The following ZNF143 variants were observed in gnomAD, a reference collection of about 807,000 sequenced individuals.
The protein encoded by ZNF143 is SPH-binding factor.
In ZNF143, 49 loss-of-function variants were observed where a neutral mutation model predicts 74.1. The observed-to-expected ratio is 0.66, with a 90% CI of 0.53 to 0.84. The LOEUF (loss-of-function observed/expected upper bound fraction) is 0.84. Ranked by LOEUF, ZNF143 falls within the 40% of genes least tolerant of loss-of-function variation. The probability of loss-of-function intolerance (pLI) is 0.00; values close to 1 mark genes in which losing one functional copy is unlikely to be tolerated. For synonymous variants in ZNF143, 304 were observed against 282.8 expected, an observed-to-expected ratio of 1.07 and a Z score of -0.75; for missense variants, 637 against 793.4, an observed-to-expected ratio of 0.80 and a Z score of 2.37.
At chr11:9,493,226 C>T (rs536725268) in intron 7 of ZNF143, among the ~76,000 whole-genome samples, 1 of 152,080 alleles carries the variant, frequency 6.6e-6, no homozygotes, top group East Asian at 1.9e-4. Flanking sequence ...CGCGCACCAC[C>T]ATGCCCAGCT....
intron 7 of ZNF143, among the ~76,000 whole-genome samples, chr11:9,480,762 C>CTACTA (rs1847203230): frequency 6.6e-6 from 1 of 151,786 alleles, no homozygotes; most frequent in Non-Finnish European, 1.5e-5. Context: ...TGGCTAGTGC[C>CTACTA]TATAATCCTA....
In ZNF143 at chr11:9,473,920, G is replaced by A. The variant is rs755029214; in HGVS notation, c.206-21G>A. The A allele has an allele frequency of 5.0e-6, 8 of 1,613,564 alleles. No individual in the cohort carries two copies. In the African/African-American group the frequency reaches 8.0e-5, roughly 16 times the overall value. ...AAATTTTTGTTTGTGCCAATTTATT[G>A]TCTTGAATCTTTTGTTATAGATGCA... On this transcript the variant is annotated intron_variant, in intron 3 of 15. Transcript: ENST00000396602.
intron 7 of ZNF143, among the ~76,000 whole-genome samples, chr11:9,481,481 A>C (rs1847235871): frequency 6.6e-6 from 1 of 152,156 alleles, no homozygotes; most frequent in Non-Finnish European, 1.5e-5. Flanking sequence ...ACACAGGGTA[A>C]ATATGTGCGG....
At position 9,479,444 on chromosome 11, in the gene ZNF143, A is replaced by G. The variant is rs374049827; in HGVS notation, c.571-28A>G. The stretch of plus-strand genomic sequence containing the variant: ...CTAAACCATTATCAAAATGTAAAAC[A>G]TTTTAAAGCTTTATTTTATTCCTAT... On this transcript the variant is annotated intron_variant, in intron 6 of 15. Coordinates refer to ENST00000396602, the MANE Select transcript of ZNF143 (RefSeq NM_003442.6). The G allele has an allele frequency of 9.0e-5, 143 of 1,585,700 alleles. 1 individual carries two copies. In the African/African-American group the frequency reaches 1.6e-3, roughly 18 times the overall value.
At chr11:9,496,229 G>T in intron 8 of ZNF143, 74 bp from the exon 9 acceptor site, 2 of 1,321,878 alleles carry the variant, frequency 1.5e-6, no homozygotes, top group Non-Finnish European at 2.2e-6. Flanking sequence ...GTGGGAAAAA[G>T]TAGTTCTGTG....
chr11:9,525,578 C>T (rs915927210), intron 15 of ZNF143, 192 bp downstream of exon 15: 10 of 712,296 alleles, frequency 1.4e-5, no homozygotes, highest in Middle Eastern at 3.4e-4. Flanking sequence ...CTCTACCCAT[C>T]TTTGCATATT....
chr11:9,477,165 TCCTTCCTC>T (rs1224646841), intron 5 of ZNF143, among the ~76,000 whole-genome samples: 2 of 129,118 alleles, frequency 1.5e-5, no homozygotes, highest in Admixed American at 7.5e-5. Context: ...CTTCCTTCCT[TCCTTCCTC>T]CTCTCCCTTC....
intron 15 of ZNF143, chr11:9,525,603 A>G (rs1467769583): frequency 1.7e-6 from 1 of 589,504 alleles, no homozygotes; most frequent in African/African-American, 1.9e-5. Flanking sequence ...GGGAATTTAT[A>G]GCAAGAAAAA....
At chr11:9,482,875 A>T (rs1244992349) in intron 7 of ZNF143, among the ~76,000 whole-genome samples, 2 of 151,604 alleles carry the variant, frequency 1.3e-5, no homozygotes, top group Non-Finnish European at 2.9e-5. Flanking sequence ...TATATTGATA[A>T]CGTTGAAATG....
chr11:9,468,715 T>G (rs1856391341), intron 1 of ZNF143, among the ~76,000 whole-genome samples: 2 of 152,218 alleles, frequency 1.3e-5, no homozygotes, highest in African/African-American at 4.8e-5. Context: ...GGGTGTGGCT[T>G]ATGCCTATAA....
chr11:9,488,203 T>C (rs1203470462), intron 7 of ZNF143, among the ~76,000 whole-genome samples: 2 of 152,168 alleles, frequency 1.3e-5, no homozygotes, highest in Non-Finnish European at 2.9e-5. Context: ...TGACCTGAGA[T>C]TGCACCACTG....
At chr11:9,475,842 T>C (rs1433101943) in intron 5 of ZNF143, among the ~76,000 whole-genome samples, 2 of 151,724 alleles carry the variant, frequency 1.3e-5, no homozygotes, top group Admixed American at 1.3e-4. Flanking sequence ...GGTTGCAGTG[T>C]AGTTGAGATC....
At chr11:9,482,656 CTTTT>C (rs55996675) in intron 7 of ZNF143, among the ~76,000 whole-genome samples, 128 of 144,272 alleles carry the variant, frequency 8.9e-4, no homozygotes, top group Non-Finnish European at 9.3e-4. Context: ...GAATGGGATT[CTTTT>C]TTTTTTTTTT....
chr11:9,494,302 TATTGATTG>T (rs754178722), intron 7 of ZNF143, among the ~76,000 whole-genome samples: 7 of 152,150 alleles, frequency 4.6e-5, no homozygotes, highest in African/African-American at 7.2e-5. Context: ...ATTTCTGTAT[TATTGATTG>T]ATTGATTGAT....
chr11:9,463,951 T>C (rs1359953956), intron 1 of ZNF143: 1 of 152,196 alleles, frequency 6.6e-6, no homozygotes, highest in African/African-American at 2.4e-5. Flanking sequence ...TGCAATCATA[T>C]GGTATCTACT....
At chr11:9,513,497 T>G (rs796470694) in intron 13 of ZNF143, among the ~76,000 whole-genome samples, 4 of 152,362 alleles carry the variant, frequency 2.6e-5, no homozygotes, top group African/African-American at 9.6e-5. Context: ...CTCTGGAGGT[T>G]GTTTTATATA....
At chr11:9,484,467 G>A (rs1223769155) in intron 7 of ZNF143, among the ~76,000 whole-genome samples, 4 of 149,026 alleles carry the variant, frequency 2.7e-5, no homozygotes, top group South Asian at 2.1e-4. Context: ...CACCTGCCTC[G>A]GCCTCCCAAA....
chr11:9,518,659 G>A (rs556283179), intron 14 of ZNF143, among the ~76,000 whole-genome samples: 1 of 151,756 alleles, frequency 6.6e-6, no homozygotes, highest in East Asian at 1.9e-4. Context: ...AGAGGTTGCA[G>A]TCAGCCGAGA....
chr11:9,507,853 C>T (rs1012716340), intron 11 of ZNF143, among the ~76,000 whole-genome samples: 3 of 151,994 alleles, frequency 2.0e-5, no homozygotes, highest in East Asian at 1.9e-4. Flanking sequence ...TAATCCTGGT[C>T]GGGAAGAAGG....
Sources: allele counts gnomAD v4.1 joint callset (sites outside exome capture counted in the v4.1 genomes callset), GRCh38; gene constraint gnomAD v4.1.1; transcripts MANE v1.5; gene names NCBI Gene and HGNC (gene_info 2026-07-23, HGNC 2026-07-21).